ITSN1: variants seen among roughly 807,000 people sequenced by gnomAD.
ITSN1 encodes intersectin 1.
A neutral mutation model predicts 239.8 loss-of-function variants in ITSN1; 58 were observed. The ratio of observed to expected loss-of-function variants is 0.24; its 90% CI spans 0.20 to 0.30. The LOEUF is 0.30. ITSN1 is among the 10% of genes least tolerant of loss of function. The pLI, the probability that ITSN1 is intolerant of heterozygous loss-of-function variation, is 1.00. For synonymous variants in ITSN1, 780 were observed against 770.8 expected, an observed-to-expected ratio of 1.01 and a Z score of -0.20; for missense variants, 1,558 against 2,103.3, an observed-to-expected ratio of 0.74 and a Z score of 5.07.
intron 20 of ITSN1, among the ~76,000 whole-genome samples, chr21:33,809,967 A>G (rs567340043): frequency 1.3e-5 from 2 of 152,138 alleles, no homozygotes; most frequent in South Asian, 2.1e-4. Flanking sequence ...CTAGTTTTGT[A>G]TTTGTAGTAG....
At chr21:33,749,107 G>C (rs1299761348) in intron 5 of ITSN1, among the ~76,000 whole-genome samples, 1 of 151,300 alleles carries the variant, frequency 6.6e-6, no homozygotes, top group Admixed American at 6.6e-5. Flanking sequence ...TCCCACCTCA[G>C]CCTTCCATGT....
At chr21:33,837,342 T>C (rs983249514) in intron 29 of ITSN1, 7 of 1,024,056 alleles carry the variant, frequency 6.8e-6, no homozygotes, top group Non-Finnish European at 8.2e-6. Flanking sequence ...ATATATATTT[T>C]AGCTTTTTAA....
chr21:33,881,817 C>G (rs982641419), intron 34 of ITSN1, among the ~76,000 whole-genome samples: 1 of 151,724 alleles, frequency 6.6e-6, no homozygotes, highest in Non-Finnish European at 1.5e-5. Context: ...CCCATCTCTA[C>G]AAAAGTTTTT....
intron 10 of ITSN1, 70 bp downstream of exon 10, chr21:33,766,082 T>A: frequency 6.6e-7 from 1 of 1,519,948 alleles, no homozygotes; most frequent in Non-Finnish European, 9.1e-7. Context: ...CTTTATTGAC[T>A]ATGTGTCTTA....
chr21:33,669,341 C>T (rs1174474615), intron 1 of ITSN1, among the ~76,000 whole-genome samples: 1 of 152,150 alleles, frequency 6.6e-6, no homozygotes. Context: ...TCTTGGCCTC[C>T]CAAAGTGCTG....
At chr21:33,874,207 G>A (rs370527958) in intron 33 of ITSN1, among the ~76,000 whole-genome samples, 50 of 150,150 alleles carry the variant, frequency 3.3e-4, no homozygotes, top group African/African-American at 9.5e-4. Context: ...CCCAAATCAT[G>A]GGTGGTCTGT....
intron 4 of ITSN1, 147 bp from the exon 5 acceptor site, chr21:33,734,897 C>T (rs773658601): frequency 2.4e-5 from 13 of 549,030 alleles, no homozygotes; most frequent in Admixed American, 3.7e-5. Flanking sequence ...GGCTATTCCC[C>T]ATAGTTTGGT....
At chr21:33,877,825 TTGTGTG>T (rs3835379) in intron 34 of ITSN1, among the ~76,000 whole-genome samples, 243 of 147,314 alleles carry the variant, frequency 1.6e-3, no homozygotes, top group African/African-American at 4.2e-3. Flanking sequence ...TGTTTCTATT[TTGTGTG>T]TGTGTGTGTG....
chr21:33,859,538 C>A (rs903401893), intron 31 of ITSN1, among the ~76,000 whole-genome samples: 2 of 152,160 alleles, frequency 1.3e-5, no homozygotes, highest in African/African-American at 4.8e-5. Flanking sequence ...GCCTGCAGGG[C>A]GCGTGATATT....
chr21:33,687,449 G>T (rs925391058), intron 1 of ITSN1, among the ~76,000 whole-genome samples: 12 of 148,480 alleles, frequency 8.1e-5, no homozygotes, highest in Non-Finnish European at 1.0e-4. Context: ...GCCACATTAG[G>T]ATGCTTATCG....
chr21:33,816,065 C>T (rs866105484), intron 22 of ITSN1, among the ~76,000 whole-genome samples: 5 of 151,906 alleles, frequency 3.3e-5, no homozygotes, highest in Admixed American at 6.6e-5. Context: ...TGACGGTGGG[C>T]GCCTGTAATC....
chr21:33,655,722 T>C (rs1193729936), intron 1 of ITSN1, among the ~76,000 whole-genome samples: 2 of 151,844 alleles, frequency 1.3e-5, no homozygotes, highest in African/African-American at 2.4e-5. Context: ...CGTGAGCCAC[T>C]GCGAAGGGCC....
chr21:33,699,060 C>T (rs185858026), intron 1 of ITSN1, among the ~76,000 whole-genome samples: 10 of 152,052 alleles, frequency 6.6e-5, no homozygotes, highest in South Asian at 2.1e-4. Flanking sequence ...ATACCTGAAA[C>T]GAAACCCTAA....
At chr21:33,675,653 G>C (rs960274949) in intron 1 of ITSN1, among the ~76,000 whole-genome samples, 2 of 152,200 alleles carry the variant, frequency 1.3e-5, no homozygotes, top group Non-Finnish European at 2.9e-5. Flanking sequence ...ACTAGTAGCT[G>C]TGTGCCTGTA....
At chr21:33,695,626 TTTTG>T (rs2091759062) in intron 1 of ITSN1, among the ~76,000 whole-genome samples, 6 of 152,316 alleles carry the variant, frequency 3.9e-5, no homozygotes, top group Non-Finnish European at 7.4e-5. Flanking sequence ...ACCAAACACA[TTTTG>T]AGTATAAGTG....
intron 28 of ITSN1, among the ~76,000 whole-genome samples, chr21:33,835,858 G>A (rs993628773): frequency 6.6e-6 from 1 of 152,214 alleles, no homozygotes; most frequent in Non-Finnish European, 1.5e-5. Context: ...TTGAACCCTG[G>A]AGGTGGAGGT....
intron 1 of ITSN1, among the ~76,000 whole-genome samples, chr21:33,696,829 C>CCACT (rs1369327453): frequency 6.6e-6 from 1 of 152,128 alleles, no homozygotes; most frequent in Non-Finnish European, 1.5e-5. Context: ...TTACCTTTAA[C>CCACT]CACTGTTCGT....
At chr21:33,755,174 G>A (rs2067823826) in intron 7 of ITSN1, 123 bp from the exon 8 acceptor site, 1 of 507,346 alleles carries the variant, frequency 2.0e-6, no homozygotes, top group Non-Finnish European at 3.5e-6. Context: ...ATAATAAAAT[G>A]AATAAAATAT....
intron 39 of ITSN1, among the ~76,000 whole-genome samples, chr21:33,886,832 C>T (rs1985875629): frequency 6.6e-6 from 1 of 152,206 alleles, no homozygotes; most frequent in African/African-American, 2.4e-5. Flanking sequence ...AGGATGTTAG[C>T]CCACAACAGG....
Sources: allele counts gnomAD v4.1 joint callset (sites outside exome capture counted in the v4.1 genomes callset), GRCh38; gene constraint gnomAD v4.1.1; transcripts MANE v1.5; gene names NCBI Gene and HGNC (gene_info 2026-07-23, HGNC 2026-07-21).